CCDC146: variants seen among roughly 807,000 people sequenced by gnomAD.
The protein encoded by CCDC146 is coiled-coil domain containing 146, also known as coiled-coil domain-containing protein 146.
CCDC146 carries 92 observed loss-of-function variants against 119.3 expected under a neutral mutation model. The observed-to-expected ratio is 0.77, with a 90% CI of 0.65 to 0.92. The LOEUF is 0.92. CCDC146 is among the 40% of genes least tolerant of loss of function. The probability of loss-of-function intolerance (pLI) is 0.00; values close to 1 mark genes in which losing one functional copy is unlikely to be tolerated. For synonymous variants in CCDC146, 372 were observed against 371.8 expected (o/e 1.00, Z -0.01); for missense variants, 1,000 against 1,103.0 (o/e 0.91, Z 1.32).
At chr7:77,194,678 C>G (rs1215326043) in intron 2 of CCDC146, 2 of 151,934 alleles carry the variant, frequency 1.3e-5, no homozygotes, top group African/African-American at 4.8e-5. Context: ...ATTTTGAAAA[C>G]TTGGTTAGTG....
chr7:77,280,675 A>G (rs1265657969), intron 14 of CCDC146, 22 bp downstream of exon 14: 1 of 1,538,398 alleles, frequency 6.5e-7, no homozygotes, highest in East Asian at 2.3e-5. Flanking sequence ...GTGTGAGAAC[A>G]GAGCACCAGG....
intron 2 of CCDC146, among the ~76,000 whole-genome samples, chr7:77,187,106 A>G (rs1350099761): frequency 1.3e-5 from 2 of 152,160 alleles, no homozygotes; most frequent in African/African-American, 4.8e-5. Context: ...ACAATTCTCC[A>G]CTTTTGGTAA....
intron 10 of CCDC146, 51 bp downstream of exon 10, chr7:77,273,840 G>A (rs764204381): frequency 4.2e-5 from 53 of 1,253,628 alleles, no homozygotes; most frequent in Non-Finnish European, 5.7e-5. Flanking sequence ...TTCATACAAA[G>A]TTGTGCTTTT....
chr7:77,262,086 A>G (rs936232791), intron 8 of CCDC146, 35 bp from the exon 9 acceptor site: 54 of 1,521,226 alleles, frequency 3.5e-5, no homozygotes, highest in Non-Finnish European at 4.3e-5. Context: ...GCTGATAACA[A>G]AATCATTTTC....
At chr7:77,131,655 T>C (rs535333422) in intron 1 of CCDC146, among the ~76,000 whole-genome samples, 207 of 152,314 alleles carry the variant, frequency 1.4e-3, no homozygotes, top group African/African-American at 4.7e-3. Context: ...GAGGTAGAGG[T>C]TGCAGTGAAC....
At chr7:77,215,078 C>T (rs1355675657) in intron 2 of CCDC146, among the ~76,000 whole-genome samples, 1 of 152,050 alleles carries the variant, frequency 6.6e-6, no homozygotes, top group Non-Finnish European at 1.5e-5. Flanking sequence ...TTTGGTTACC[C>T]TGCTGTAGAG....
At chr7:77,254,403 C>T (rs1210942912) in intron 4 of CCDC146, 103 bp from the exon 5 acceptor site, 2 of 656,052 alleles carry the variant, frequency 3.0e-6, no homozygotes, top group Non-Finnish European at 5.1e-6. Context: ...GCCTGGCCGA[C>T]AAGCATGGGA....
Position 77,293,006 on chromosome 7 carries a change from G to C in CCDC146, c.2470G>C (p.Val824Leu). The C allele has an allele frequency of 6.2e-7, 1 of 1,614,094 alleles. No individual in the cohort carries two copies. The highest frequency in any genetic ancestry group is 8.5e-7 in the Non-Finnish European group (1 of 1,179,988). Residue 824 changes from valine to leucine, a missense_variant, in exon 18 of 19, where the codon GTT becomes CTT. This residue lies in a region of CCDC146 where 985 missense variants were observed against 1,045.3 expected (regional missense o/e 0.94). Coordinates refer to ENST00000285871, the MANE Select transcript of CCDC146 (RefSeq NM_020879.3). ...KNATEKMMALVAELSMKQALT... is the reference protein window; with the variant it reads ...KNATEKMMALLAELSMKQALT... ...TGCAACTGAGAAAATGATGGCTCTT[G>C]TTGCTGAGCTGTCCATGAAACAAGC...
At chr7:77,258,743 A>G (rs895418223) in intron 6 of CCDC146, among the ~76,000 whole-genome samples, 1 of 152,140 alleles carries the variant, frequency 6.6e-6, no homozygotes, top group East Asian at 1.9e-4. Flanking sequence ...GAGCATCTGT[A>G]CCTCCATAAA....
chr7:77,241,850 A>G lies in CCDC146; in HGVS notation c.399A>G (p.Glu133=). Residue 133 remains glutamate, a synonymous_variant, in exon 4 of 19, where the codon GAA becomes GAG. Transcript: ENST00000285871. The part of the protein sequence containing the change: ...MREQLLKYQN[E]YNAVKEREFH... ...AACAACTTCTCAAGTATCAAAATGA[A>G]TATAATGCAGTGAAGGAAAGAGAGT... 6.2e-7 allele frequency: 1 copy of G among 1,614,088 alleles called. No homozygotes were observed. Among genetic ancestry groups the G allele is most frequent in the South Asian group, 1.1e-5 (1 of 91,088 alleles).
At chr7:77,180,098 GCACC>G (rs1791561294) in intron 2 of CCDC146, among the ~76,000 whole-genome samples, 1 of 151,456 alleles carries the variant, frequency 6.6e-6, no homozygotes, top group African/African-American at 2.4e-5. Context: ...CCATATATAT[GCACC>G]CATATGTATG....
At chr7:77,262,975 C>T (rs1354962409) in intron 9 of CCDC146, among the ~76,000 whole-genome samples, 1 of 152,174 alleles carries the variant, frequency 6.6e-6, no homozygotes, top group Non-Finnish European at 1.5e-5. Flanking sequence ...TGTGCTAGAG[C>T]CTTCCTTGAG....
At chr7:77,159,926 A>G (rs184589371) in intron 1 of CCDC146, among the ~76,000 whole-genome samples, 198 of 152,262 alleles carry the variant, frequency 1.3e-3, no homozygotes, top group Non-Finnish European at 2.2e-3. Context: ...TCTTTAATCC[A>G]TCTTGAATTA....
chr7:77,288,574 G>T (rs975233087), intron 17 of CCDC146, among the ~76,000 whole-genome samples: 2 of 152,232 alleles, frequency 1.3e-5, no homozygotes, highest in Non-Finnish European at 2.9e-5. Context: ...AGAGCCATCA[G>T]AGGACTGGCC....
At position 77,256,637 on chromosome 7, in the gene CCDC146, C is replaced by T. The variant is rs149366146; in HGVS notation, c.684+128C>T. 24 of 701,318 alleles carry T rather than the reference C, an allele frequency of 3.4e-5. 1 individual carries two copies. The East Asian group carries it at 5.7e-4, about 17-fold the overall frequency. 43.4% of individuals were successfully genotyped at this position (701,318 alleles called of 1,614,324 possible). A position where few individuals can be genotyped will look rare whatever the true frequency, so the allele number is the denominator to read the frequency against. On this transcript the variant is annotated intron_variant, in intron 6 of 18. Coordinates refer to ENST00000285871, the MANE Select transcript of CCDC146 (RefSeq NM_020879.3). ...CTCACAAACTGAAATATCTGCATTG[C>T]GATTGATCCTATCAAACTAAATCTA... is the stretch of plus-strand genomic sequence containing the variant.
At chr7:77,288,066 C>A (rs964666649) in intron 17 of CCDC146, among the ~76,000 whole-genome samples, 1 of 152,102 alleles carries the variant, frequency 6.6e-6, no homozygotes, top group African/African-American at 2.4e-5. Context: ...TGAGGAAAGG[C>A]CAGGAATACA....
intron 1 of CCDC146, among the ~76,000 whole-genome samples, chr7:77,157,681 T>C (rs1022381532): frequency 6.6e-6 from 1 of 152,240 alleles, no homozygotes; most frequent in Non-Finnish European, 1.5e-5. Context: ...CAGCATCTCA[T>C]GGTACTGCCT....
chr7:77,150,460 T>A (rs1791093595), intron 1 of CCDC146, among the ~76,000 whole-genome samples: 1 of 152,206 alleles, frequency 6.6e-6, no homozygotes, highest in Non-Finnish European at 1.5e-5. Flanking sequence ...TGAAAAGATA[T>A]TCAACATAGT....
intron 1 of CCDC146, among the ~76,000 whole-genome samples, chr7:77,162,078 A>G (rs938569906): frequency 2.0e-5 from 3 of 152,006 alleles, no homozygotes; most frequent in African/African-American, 7.3e-5. Context: ...GTTTGCAAAT[A>G]TTTCCTCCTA....
Sources: allele counts gnomAD v4.1 joint callset (sites outside exome capture counted in the v4.1 genomes callset), GRCh38; gene constraint gnomAD v4.1.1; regional missense constraint gnomAD v4.1.1; transcripts MANE v1.5; gene names NCBI Gene and HGNC (gene_info 2026-07-23, HGNC 2026-07-21).